NR2F1-AS1: variants seen among roughly 807,000 people sequenced by gnomAD.
NR2F1-AS1 encodes the protein NR2F1 regulatory antisense RNA 1.
At position 93,430,614 on chromosome 5, in the gene NR2F1-AS1, T is replaced by C. The variant is rs1014001475; in HGVS notation, n.639-35072A>G. ...ATTCAGAGTAATTATCTGTTAGGAA[T>C]GTAAAATTCTCACATCAATTCTTAT... On this transcript the variant is annotated intron_variant and non_coding_transcript_variant, in intron 4 of 5. Transcript: ENST00000660523. Among the ~76,000 whole-genome samples, 8 of 152,188 alleles carry C rather than the reference T, an allele frequency of 5.3e-5. No homozygotes were observed. In the East Asian group the frequency reaches 1.5e-3, roughly 29 times the overall value.
intron 4 of NR2F1-AS1, among the ~76,000 whole-genome samples, chr5:93,427,233 G>T (rs762968673): frequency 6.6e-6 from 1 of 152,042 alleles, no homozygotes; most frequent in Non-Finnish European, 1.5e-5. Context: ...ACTTTATATC[G>T]CTTCTAAAGG....
At chr5:93,484,538 A>T (rs1178211420) in intron 4 of NR2F1-AS1, among the ~76,000 whole-genome samples, 2 of 152,218 alleles carry the variant, frequency 1.3e-5, no homozygotes, top group Non-Finnish European at 2.9e-5. Context: ...AAGAAACTGC[A>T]TCAACTAACG....
Position 93,459,507 on chromosome 5 carries a change from A to T in NR2F1-AS1, n.639-63965T>A, listed in dbSNP as rs1278132356. 2.6e-5 allele frequency among the ~76,000 whole-genome samples: 4 copies of T among 152,314 alleles called. No homozygotes were observed. In the East Asian group the frequency reaches 7.7e-4, roughly 29 times the overall value. ...TGGCATATACAACCATTAATAAAAT[A>T]GTTTGTTTATTTAAAATTGGTGAAC... On this transcript the variant is annotated intron_variant and non_coding_transcript_variant, in intron 4 of 5. Coordinates refer to ENST00000660523, the Ensembl canonical transcript of NR2F1-AS1.
At chr5:93,509,789 T>C (rs543245761) in intron 4 of NR2F1-AS1, among the ~76,000 whole-genome samples, 1 of 152,182 alleles carries the variant, frequency 6.6e-6, no homozygotes, top group Admixed American at 6.5e-5. Flanking sequence ...CTATTTTAAA[T>C]GTTTTATTTT....
intron 4 of NR2F1-AS1, among the ~76,000 whole-genome samples, chr5:93,478,055 C>T (rs570688373): frequency 6.6e-6 from 1 of 152,140 alleles, no homozygotes; most frequent in African/African-American, 2.4e-5. Context: ...GGGAAAGAAG[C>T]CAATGCAGCA....
upstream of NR2F1-AS1, chr5:93,585,203 G>T (rs1580358489): frequency 2.0e-6 from 3 of 1,538,178 alleles, no homozygotes; most frequent in Non-Finnish European, 2.6e-6. Context: ...AGCCCGGAGC[G>T]CCCGCCACCC....
chr5:93,497,460 G>T (rs540806255), intron 4 of NR2F1-AS1, among the ~76,000 whole-genome samples: 1 of 152,034 alleles, frequency 6.6e-6, no homozygotes, highest in African/African-American at 2.4e-5. Flanking sequence ...GACATGCTCC[G>T]GTTTTCAACA....
chr5:93,435,226 T>C (rs1432583510), intron 4 of NR2F1-AS1, among the ~76,000 whole-genome samples: 4 of 152,212 alleles, frequency 2.6e-5, no homozygotes, highest in African/African-American at 9.6e-5. Context: ...CTCCCTTGTT[T>C]GTTTAAGTGT....
At chr5:93,437,404 C>T (rs1193281333) in intron 4 of NR2F1-AS1, among the ~76,000 whole-genome samples, 1 of 152,148 alleles carries the variant, frequency 6.6e-6, no homozygotes, top group East Asian at 1.9e-4. Flanking sequence ...ATTTCACTTG[C>T]TTCCTTTTAG....
At chr5:93,459,512 G>C (rs1316391602) in intron 4 of NR2F1-AS1, among the ~76,000 whole-genome samples, 1 of 152,060 alleles carries the variant, frequency 6.6e-6, no homozygotes, top group Non-Finnish European at 1.5e-5. Flanking sequence ...AAAATAGTTT[G>C]TTTATTTAAA....
chr5:93,492,555 T>C (rs886691128), intron 4 of NR2F1-AS1, among the ~76,000 whole-genome samples: 1 of 152,162 alleles, frequency 6.6e-6, no homozygotes, highest in African/African-American at 2.4e-5. Flanking sequence ...GAGATCAGCA[T>C]TACTCTGATA....
chr5:93,512,347 G>A (rs1391249914), intron 4 of NR2F1-AS1, among the ~76,000 whole-genome samples: 2 of 152,156 alleles, frequency 1.3e-5, no homozygotes, highest in Non-Finnish European at 2.9e-5. Context: ...GCTGTACAAT[G>A]TGTTTATGTT....
intron 4 of NR2F1-AS1, among the ~76,000 whole-genome samples, chr5:93,531,820 C>G (rs115336961): frequency 1.3e-5 from 2 of 152,120 alleles, no homozygotes; most frequent in Non-Finnish European, 2.9e-5. Flanking sequence ...AACACAATAA[C>G]CAATGAACTG....
intron 4 of NR2F1-AS1, among the ~76,000 whole-genome samples, chr5:93,530,078 T>C (rs1040964548): frequency 3.5e-5 from 5 of 142,242 alleles, no homozygotes; most frequent in Non-Finnish European, 7.7e-5. Flanking sequence ...TTGAAGGCTT[T>C]TTTTTTTTTT....
intron 4 of NR2F1-AS1, among the ~76,000 whole-genome samples, chr5:93,415,333 T>C (rs1234674195): frequency 1.3e-5 from 2 of 152,202 alleles, no homozygotes; most frequent in East Asian, 1.9e-4. Context: ...CCCTGGTTTC[T>C]AGCACAGTAC....
intron 4 of NR2F1-AS1, among the ~76,000 whole-genome samples, chr5:93,452,851 C>A (rs1038081878): frequency 9.9e-5 from 15 of 151,260 alleles, no homozygotes; most frequent in African/African-American, 3.6e-4. Context: ...AAATGCATGC[C>A]AAAAAAAGTC....
intron 4 of NR2F1-AS1, among the ~76,000 whole-genome samples, chr5:93,503,617 A>T (rs1751127478): frequency 6.6e-6 from 1 of 152,146 alleles, no homozygotes; most frequent in Non-Finnish European, 1.5e-5. Flanking sequence ...TTTAAACTAA[A>T]CACCTCCTCT....
chr5:93,498,084 G>A (rs1751002510), intron 4 of NR2F1-AS1, among the ~76,000 whole-genome samples: 1 of 152,052 alleles, frequency 6.6e-6, no homozygotes, highest in Admixed American at 6.6e-5. Flanking sequence ...AGCACTTTAG[G>A]AGGCCAAGGA....
upstream of NR2F1-AS1, among the ~76,000 whole-genome samples, chr5:93,581,847 CTCTCTCCT>C (rs1753084168): frequency 2.2e-5 from 1 of 44,640 alleles, no homozygotes; most frequent in Non-Finnish European, 6.3e-5. Context: ...CTCTCTCTCT[CTCTCTCCT>C]CTCTCTCTCT....
Sources: allele counts gnomAD v4.1 joint callset (sites outside exome capture counted in the v4.1 genomes callset), GRCh38; gene constraint gnomAD v4.1.1; transcripts MANE v1.5; gene names NCBI Gene and HGNC (gene_info 2026-07-23, HGNC 2026-07-21).